Variants in PTPRB observed in about 807,000 individuals in gnomAD.
PTPRB encodes protein tyrosine phosphatase receptor type B, also known as receptor-type tyrosine-protein phosphatase beta.
A neutral mutation model predicts 238.1 loss-of-function variants in PTPRB; 97 were observed. The observed-to-expected ratio is 0.41, with a 90% CI of 0.35 to 0.48. PTPRB has a LOEUF of 0.48. Ranked by LOEUF, PTPRB falls within the 20% of genes least tolerant of loss-of-function variation. PTPRB has a pLI of 0.30. For synonymous variants in PTPRB, 970 were observed against 995.4 expected (o/e 0.97, Z 0.48); for missense variants, 2,292 against 2,681.9 (o/e 0.85, Z 3.21).
chr12:70,546,429 G>A, intron 21 of PTPRB, among the ~76,000 whole-genome samples: 1 of 152,128 alleles, frequency 6.6e-6, no homozygotes, highest in Non-Finnish European at 1.5e-5. Context: ...TAGGACCTAA[G>A]TTTCATGCTC....
At chr12:70,571,319 GA>G (rs765474123) in intron 12 of PTPRB, 30 bp from the exon 13 acceptor site, 1 of 1,543,462 alleles carries the variant, frequency 6.5e-7, no homozygotes, top group South Asian at 1.1e-5. Context: ...GACATTTCAG[GA>G]AAGGAACTGA....
At chr12:70,539,556 A>C in intron 26 of PTPRB, 69 bp downstream of exon 26, 8 of 1,250,666 alleles carry the variant, frequency 6.4e-6, no homozygotes, top group Non-Finnish European at 6.8e-6. Context: ...ATGATGACAC[A>C]GTAAACATTA....
In PTPRB at chr12:70,560,527, T is replaced by A; in HGVS notation, c.4432+144A>T. The A allele has an allele frequency of 2.9e-6, 3 of 1,030,218 alleles. No individual in the cohort carries two copies. The highest frequency in any genetic ancestry group is 3.4e-5 in the South Asian group (2 of 58,974). The allele number at this position is 1,030,218 out of a possible 1,614,324, so 63.8% of individuals were successfully genotyped here. ...CCAAAGCCTTGTCCTTTATCTGTTG[T>A]CCCACAGTCCCTTCCCAAATTCAGG... On this transcript the variant is annotated intron_variant, in intron 17 of 33. Coordinates refer to ENST00000334414, the MANE Select transcript of PTPRB (RefSeq NM_001109754.4). The surrounding 1 kb of genome is among the most constrained non-coding windows in gnomAD (Gnocchi z 4.2).
rs184282874 is a variant in PTPRB at position 70,601,940 on chromosome 12, G to A, written c.980-5613C>T. On this transcript the variant is annotated intron_variant, in intron 4 of 33. Transcript: ENST00000334414. ...CGAGTAGCTGGGACTACAGGCGCCCGCCACCACGCCCGGCTAAGTTTTTTT... is the reference window on the plus strand; with the variant it reads ...CGAGTAGCTGGGACTACAGGCGCCCACCACCACGCCCGGCTAAGTTTTTTT... 1.7e-3 allele frequency among the ~76,000 whole-genome samples: 254 copies of A among 149,220 alleles called. 4 individuals carry two copies. Among genetic ancestry groups the A allele is most frequent in the African/African-American group, 6.0e-3 (243 of 40,498 alleles).
At chr12:70,544,419 C>T (rs1243958610) in intron 22 of PTPRB, 138 bp downstream of exon 22, 1 of 634,508 alleles carries the variant, frequency 1.6e-6, no homozygotes, top group Non-Finnish European at 2.8e-6. Context: ...CTTTGATCCA[C>T]ATCAATTTTT....
At position 70,590,337 on chromosome 12, in the gene PTPRB, G is replaced by T. The variant is rs1344925706; in HGVS notation, c.1781-104C>A. ...GTAGATAGGAGACACAATATCTGCA[G>T]TTCAAAACATTTCTATCCCCTCTTG... On this transcript the variant is annotated intron_variant, in intron 7 of 33. Transcript: ENST00000334414. 4.2e-6 allele frequency: 5 copies of T among 1,185,738 alleles called. No individual in the cohort carries two copies. The African/African-American group carries it at 6.2e-5, about 15-fold the overall frequency. The allele number at this position is 1,185,738 out of a possible 1,614,324, so 73.5% of individuals were successfully genotyped here. A position where few individuals can be genotyped will look rare whatever the true frequency, so the allele number is the denominator to read the frequency against.
chr12:70,532,089 A>T lies in PTPRB; in HGVS notation c.6450T>A (p.Ile2150=), dbSNP rs745328210. The change falls in exon 32 of 34, where the codon ATT becomes ATA. Residue 2150 remains isoleucine (I), a synonymous_variant. Coordinates refer to ENST00000334414, the MANE Select transcript of PTPRB (RefSeq NM_001109754.4). ...QQLDSKDSVD[I]YGAVHDLRLH... ...GTCTTAGGTCGTGCACTGCTCCATA[A>T]ATGTCCACAGAGTCTTTGGAGTCTA... 1.9e-6 allele frequency: 3 copies of T among 1,613,890 alleles called. No individual in the cohort carries two copies. In the South Asian group the frequency reaches 3.3e-5, roughly 18 times the overall value.
intron 3 of PTPRB, among the ~76,000 whole-genome samples, chr12:70,619,052 CA>C (rs1305000919): frequency 3.9e-5 from 6 of 151,978 alleles, no homozygotes; most frequent in Non-Finnish European, 8.8e-5. Flanking sequence ...CTTGCAGTAG[CA>C]TTAGAGAGGA....
chr12:70,521,139 G>A lies in PTPRB; in HGVS notation c.*350C>T, dbSNP rs1250345889. On this transcript the variant is annotated 3_prime_UTR_variant, in exon 34 of 34. Coordinates refer to ENST00000334414, the MANE Select transcript of PTPRB (RefSeq NM_001109754.4). ...GGTAGAAAACATGGCCTGAAGGATT[G>A]TCTCTGCCACCACCTCCATATGCAT... 1.0e-5 allele frequency: 2 copies of A among 191,836 alleles called. No individual in the cohort carries two copies. The highest frequency in any genetic ancestry group is 2.3e-5 in the African/African-American group (1 of 42,916). The allele number at this position is 191,836 out of a possible 1,614,324, so 11.9% of individuals were successfully genotyped here.
At position 70,569,895 on chromosome 12, in the gene PTPRB, T is replaced by C; in HGVS notation, c.3414A>G (p.Ala1138=). 1 of 1,612,904 alleles carries C rather than the reference T, an allele frequency of 6.2e-7. No homozygotes were observed. Among genetic ancestry groups the C allele is most frequent in the Middle Eastern group, 1.7e-4 (1 of 6,060 alleles). The change falls in exon 14 of 34, where the codon GCA becomes GCG. Residue 1138 remains alanine, a synonymous_variant. Coordinates refer to ENST00000334414, the MANE Select transcript of PTPRB (RefSeq NM_001109754.4). ...TCCAGTTCACCGTCAGGCTATCTGT[T>C]GCTCCATTGGGAGAAATGTGAATAT... The part of the protein sequence containing the change: ...VKNIHISPNG[A]TDSLTVNWTP...
chr12:70,619,548 G>A (rs1340517789), intron 3 of PTPRB, among the ~76,000 whole-genome samples: 1 of 152,078 alleles, frequency 6.6e-6, no homozygotes, highest in Non-Finnish European at 1.5e-5. Context: ...CAAAAGGCTT[G>A]TAGCTTCCAC....
At chr12:70,527,662 C>T (rs1402909964) in intron 32 of PTPRB, 4 of 152,210 alleles carry the variant, frequency 2.6e-5, no homozygotes, top group African/African-American at 9.7e-5. Flanking sequence ...CTGACCAATG[C>T]CTCTTTGTTT....
chr12:70,593,513 CAAAAAAAAAAAAAA>C (rs71437149), intron 6 of PTPRB, among the ~76,000 whole-genome samples: 2 of 36,698 alleles, frequency 5.4e-5, no homozygotes, highest in Non-Finnish European at 9.9e-5. Context: ...AACTCTGTCT[CAAAAAAAAAAAAAA>C]AAAAAAAAAA....
At chr12:70,580,903 A>C in intron 10 of PTPRB, 133 bp downstream of exon 10, 1 of 961,186 alleles carries the variant, frequency 1.0e-6, no homozygotes, top group South Asian at 1.8e-5. Context: ...CTGGATGGCT[A>C]GCTTTTGTGA....
intron 29 of PTPRB, among the ~76,000 whole-genome samples, chr12:70,535,542 T>G (rs1873996407): frequency 6.6e-6 from 1 of 152,148 alleles, no homozygotes; most frequent in Admixed American, 6.5e-5. Flanking sequence ...TCTCTTTTAA[T>G]CCTCAATCTT....
At chr12:70,554,895 G>T (rs1202985437) in intron 20 of PTPRB, among the ~76,000 whole-genome samples, 1 of 152,092 alleles carries the variant, frequency 6.6e-6, no homozygotes, top group Non-Finnish European at 1.5e-5. Context: ...ATAAATGATG[G>T]TTATTGTTAT....
chr12:70,550,024 G>A (rs913733582), intron 21 of PTPRB, among the ~76,000 whole-genome samples: 6 of 152,208 alleles, frequency 3.9e-5, no homozygotes, highest in African/African-American at 1.2e-4. Flanking sequence ...CTGTTGGACT[G>A]TGAGTTCTTG....
At position 70,569,679 on chromosome 12, in the gene PTPRB, C is replaced by T; in HGVS notation, c.3630G>A (p.Arg1210=). The T allele has an allele frequency of 6.2e-7, 1 of 1,613,742 alleles. No individual in the cohort carries two copies. Among genetic ancestry groups the T allele is most frequent in the Non-Finnish European group, 8.5e-7 (1 of 1,179,874 alleles). The change falls in exon 14 of 34, where the codon CGG becomes CGA. Residue 1210 remains arginine (R), a synonymous_variant. Coordinates refer to ENST00000334414, the MANE Select transcript of PTPRB (RefSeq NM_001109754.4). The stretch of plus-strand genomic sequence containing the variant: ...CTTCTCCAGGTGGATGCTTACCTGT[C>T]CGCCCAACCACATTTATCTGATTCT... The part of the protein sequence containing the change: ...SLKNQINVVG[R]TVPASVQGVI...
intron 2 of PTPRB, among the ~76,000 whole-genome samples, chr12:70,623,782 A>C (rs1885053173): frequency 6.6e-6 from 1 of 152,108 alleles, no homozygotes; most frequent in African/African-American, 2.4e-5. Context: ...TACAACTACT[A>C]TGTGCCAGGT....
Sources: gnomAD v4.1 joint callset for allele counts (sites outside exome capture counted in the v4.1 genomes callset) on GRCh38, gnomAD v4.1.1 for gene constraint, Gnocchi (gnomAD v3.1) non-coding constraint, MANE v1.5 for transcripts, NCBI Gene and HGNC (gene_info 2026-07-23, HGNC 2026-07-21) for gene names.